TCAIM: variants seen among roughly 807,000 people sequenced by gnomAD.
TCAIM encodes the protein T-cell activation inhibitor, mitochondrial.
Under a neutral mutation model 58.6 loss-of-function variants are expected in TCAIM, and 36 were observed. That is an observed-to-expected ratio of 0.61 (90% CI 0.47 to 0.81). TCAIM has a LOEUF of 0.81. Ranked by LOEUF, TCAIM falls within the 30% of genes least tolerant of loss-of-function variation. TCAIM has a pLI of 0.00. For missense variants in TCAIM, 466 were observed against 579.6 expected (o/e 0.80, Z 2.01); for synonymous variants, 172 against 193.6 (o/e 0.89, Z 0.93).
intron 1 of TCAIM, among the ~76,000 whole-genome samples, chr3:44,339,291 A>G (rs1347081744): frequency 6.6e-6 from 1 of 152,208 alleles, no homozygotes; most frequent in Admixed American, 6.5e-5. Flanking sequence ...CGTACAAGAT[A>G]GTCACTAAGG....
intron 5 of TCAIM, among the ~76,000 whole-genome samples, chr3:44,382,029 T>C (rs1701663437): frequency 6.6e-6 from 1 of 152,136 alleles, no homozygotes; most frequent in Non-Finnish European, 1.5e-5. Flanking sequence ...CAGAAGATAA[T>C]ATTACTAAGA....
chr3:44,358,499 CT>C (rs1001091058), intron 3 of TCAIM: 21 of 479,362 alleles, frequency 4.4e-5, no homozygotes, highest in African/African-American at 4.1e-4. Flanking sequence ...ACAAACTTCT[CT>C]TTCTTGTCAT....
chr3:44,389,496 G>A (rs1224855917), intron 5 of TCAIM, among the ~76,000 whole-genome samples: 1 of 152,066 alleles, frequency 6.6e-6, no homozygotes, highest in African/African-American at 2.4e-5. Context: ...GACATGATGT[G>A]TCATTTGATA....
At chr3:44,362,565 C>G (rs945724458) in intron 4 of TCAIM, 1 of 397,038 alleles carries the variant, frequency 2.5e-6, no homozygotes, top group Non-Finnish European at 4.5e-6. Context: ...TATGGGAGAT[C>G]AGGAGTCACA....
intron 1 of TCAIM, among the ~76,000 whole-genome samples, chr3:44,346,767 T>G (rs1049761518): frequency 9.2e-5 from 14 of 152,078 alleles, no homozygotes; most frequent in African/African-American, 3.4e-4. Context: ...GCTAAAACAG[T>G]AAGGTCAAGT....
At position 44,371,205 on chromosome 3, in the gene TCAIM, C is replaced by T. The variant is rs140785551; in HGVS notation, c.572+3497C>T. 8.8e-3 allele frequency among the ~76,000 whole-genome samples: 1,340 copies of T among 151,926 alleles called. 18 individuals carry two copies. The highest frequency in any genetic ancestry group is 0.031 in the African/African-American group (1,293 of 41,400). On this transcript the variant is annotated intron_variant, in intron 5 of 10. Coordinates refer to ENST00000342649, the MANE Select transcript of TCAIM (RefSeq NM_173826.4). ...GGGATTACAGGCATGAGCCACCGTG[C>T]CTGGCCCATACCCGGTTAATTTTTT...
chr3:44,356,736 C>T (rs4074329), intron 2 of TCAIM, among the ~76,000 whole-genome samples: 20,870 of 148,388 alleles, frequency 0.14, 1,486 homozygotes, highest in Admixed American at 0.17. Flanking sequence ...GAGGCTGAGG[C>T]GGGTGGATTA....
At chr3:44,370,207 T>TA (rs1342438112) in intron 5 of TCAIM, among the ~76,000 whole-genome samples, 1 of 151,902 alleles carries the variant, frequency 6.6e-6, no homozygotes, top group African/African-American at 2.4e-5. Flanking sequence ...TATAGCAACA[T>TA]AAAAAATGCC....
At chr3:44,360,495 G>C (rs1162576830) in intron 3 of TCAIM, among the ~76,000 whole-genome samples, 1 of 150,626 alleles carries the variant, frequency 6.6e-6, no homozygotes, top group African/African-American at 2.4e-5. Context: ...AACATTGTGG[G>C]TTTAAAAAAA....
chr3:44,397,554 G>A (rs951317523), intron 8 of TCAIM, among the ~76,000 whole-genome samples: 4 of 152,126 alleles, frequency 2.6e-5, no homozygotes, highest in Non-Finnish European at 4.4e-5. Flanking sequence ...ACATAGGGTC[G>A]TATCACTTTG....
chr3:44,348,913 C>T (rs1295786457), intron 1 of TCAIM, among the ~76,000 whole-genome samples: 1 of 152,168 alleles, frequency 6.6e-6, no homozygotes, highest in Non-Finnish European at 1.5e-5. Context: ...ATGCCTTTAG[C>T]TCCAGCCACC....
chr3:44,357,940 A>G (rs1701229460), intron 3 of TCAIM, 64 bp downstream of exon 3: 1 of 1,558,836 alleles, frequency 6.4e-7, no homozygotes. Flanking sequence ...TTGATACAAT[A>G]TAATACATAG....
intron 7 of TCAIM, 110 bp downstream of exon 7, chr3:44,396,607 C>A (rs1701939294): frequency 1.4e-6 from 2 of 1,424,638 alleles, no homozygotes; most frequent in Admixed American, 2.2e-5. Context: ...TAAATCTGTT[C>A]TTTGAATAAA....
chr3:44,381,831 T>C (rs1252628994), intron 5 of TCAIM, among the ~76,000 whole-genome samples: 1 of 152,156 alleles, frequency 6.6e-6, no homozygotes, highest in South Asian at 2.1e-4. Flanking sequence ...CATTTCTGTA[T>C]ACTAGCAATG....
At chr3:44,387,698 A>G (rs1701767677) in intron 5 of TCAIM, among the ~76,000 whole-genome samples, 1 of 152,174 alleles carries the variant, frequency 6.6e-6, no homozygotes, top group Non-Finnish European at 1.5e-5. Context: ...CTGGGCCGGT[A>G]GTGTGAGCTG....
intron 4 of TCAIM, chr3:44,362,443 G>T: frequency 2.5e-6 from 1 of 400,954 alleles, no homozygotes; most frequent in Non-Finnish European, 4.4e-6. Context: ...AGGAGGAAGA[G>T]CTTGATCTGA....
intron 1 of TCAIM, among the ~76,000 whole-genome samples, chr3:44,347,547 G>A (rs892833788): frequency 2.6e-5 from 4 of 152,134 alleles, no homozygotes; most frequent in South Asian, 2.1e-4. Context: ...GTGGAGGGAC[G>A]TATTGAGGAT....
chr3:44,373,228 CTATT>C (rs1439237698), intron 5 of TCAIM, among the ~76,000 whole-genome samples: 1 of 151,938 alleles, frequency 6.6e-6, no homozygotes, highest in African/African-American at 2.4e-5. Flanking sequence ...CATAAAAACT[CTATT>C]TAACCCACTT....
chr3:44,352,115 A>G (rs939529016), intron 1 of TCAIM, among the ~76,000 whole-genome samples: 3 of 149,576 alleles, frequency 2.0e-5, no homozygotes, highest in Non-Finnish European at 4.4e-5. Context: ...TATATATAAA[A>G]CATTTTGGTA....
Sources: gnomAD v4.1 joint callset for allele counts (sites outside exome capture counted in the v4.1 genomes callset) on GRCh38, gnomAD v4.1.1 for gene constraint, MANE v1.5 for transcripts, NCBI Gene and HGNC (gene_info 2026-07-23, HGNC 2026-07-21) for gene names.